The following ANKRD26 variants were observed in gnomAD, a reference collection of about 807,000 sequenced individuals.
ANKRD26 encodes the protein ankyrin repeat domain 26.
ANKRD26 carries 141 observed loss-of-function variants against 208.7 expected under a neutral mutation model. The observed-to-expected ratio is 0.68, with a 90% confidence interval of 0.59 to 0.78. The LOEUF is 0.78. Among genes scored for constraint, ANKRD26 ranks in the 30% least tolerant of loss-of-function variants. ANKRD26 has a pLI of 0.00. For synonymous variants in ANKRD26, 636 were observed against 660.4 expected, an observed-to-expected ratio of 0.96 and a Z score of 0.57; for missense variants, 1,889 against 1,938.7, an observed-to-expected ratio of 0.97 and a Z score of 0.48.
chr10:27,094,608 T>C (rs12263872), intron 1 of ANKRD26, among the ~76,000 whole-genome samples: 12,276 of 152,242 alleles, frequency 0.081, 748 homozygotes, highest in African/African-American at 0.17. Flanking sequence ...AAATAACAGC[T>C]CAATAATTGT....
chr10:27,046,248 A>T, intron 18 of ANKRD26, 105 bp downstream of exon 18: 1 of 1,156,860 alleles, frequency 8.6e-7, no homozygotes, highest in South Asian at 1.3e-5. Flanking sequence ...GCAGCATGGA[A>T]ACAGTCGATA....
chr10:27,093,037 C>T (rs1159543179), intron 3 of ANKRD26, among the ~76,000 whole-genome samples: 4 of 151,632 alleles, frequency 2.6e-5, no homozygotes, highest in Non-Finnish European at 4.4e-5. Flanking sequence ...TGCAGTGAGC[C>T]GAGATCGCGC....
intron 18 of ANKRD26, among the ~76,000 whole-genome samples, chr10:27,045,340 C>T (rs182905660): frequency 3.2e-4 from 48 of 151,622 alleles, no homozygotes; most frequent in Middle Eastern, 3.4e-3. Context: ...ATGAGAATTG[C>T]TTGAACCCAG....
chr10:26,988,879 C>CAAA (rs56162186), downstream of ANKRD26, among the ~76,000 whole-genome samples: 249 of 137,286 alleles, frequency 1.8e-3, 1 homozygote, highest in South Asian at 0.016. Flanking sequence ...GACCTCTTCT[C>CAAA]AAAAAAAAAA....
At chr10:27,080,217 GAAAGAT>G (rs2135598040) in intron 6 of ANKRD26, 1 of 153,180 alleles carries the variant, frequency 6.5e-6, no homozygotes, top group African/African-American at 2.4e-5. Context: ...AAACAAGGTA[GAAAGAT>G]ACACTGTCCT....
At chr10:27,069,194 C>CAAAAAAAA (rs58833937) in intron 9 of ANKRD26, among the ~76,000 whole-genome samples, 1 of 88,124 alleles carries the variant, frequency 1.1e-5, no homozygotes, top group African/African-American at 4.9e-5. Flanking sequence ...GACGTCGTCT[C>CAAAAAAAA]AAAAAAAAAA....
In ANKRD26 at chr10:27,100,371, C is replaced by A. The variant is rs938256301; in HGVS notation, c.-45G>T. 7 of 1,600,690 alleles carry A rather than the reference C, an allele frequency of 4.4e-6. No individual in the cohort carries two copies. The African/African-American group carries it at 8.0e-5, about 18-fold the overall frequency. On this transcript the variant is annotated 5_prime_UTR_variant, in exon 1 of 34. Coordinates refer to ENST00000376087, the MANE Select transcript of ANKRD26 (RefSeq NM_014915.3). ...CAGAGACACCTCATGTCTCTCTCGGCTCTTAACGGCCTCCGGAGCCCAACA... is the reference window on the plus strand; with the variant it reads ...CAGAGACACCTCATGTCTCTCTCGGATCTTAACGGCCTCCGGAGCCCAACA...
intron 29 of ANKRD26, among the ~76,000 whole-genome samples, chr10:27,019,438 C>T (rs2053415180): frequency 6.6e-6 from 1 of 152,042 alleles, no homozygotes; most frequent in Admixed American, 6.6e-5. Context: ...AGGGTTCCTG[C>T]CCCAACCAAA....
the ANKRD26 span, among the ~76,000 whole-genome samples, chr10:26,960,079 T>C: frequency 6.6e-6 from 1 of 151,902 alleles, no homozygotes; most frequent in Non-Finnish European, 1.5e-5. Flanking sequence ...CGAGAATCAC[T>C]TGAGCCCATG....
At chr10:27,061,559 ATTTTTTTT>A (rs11399797) in intron 12 of ANKRD26, among the ~76,000 whole-genome samples, 2 of 134,232 alleles carry the variant, frequency 1.5e-5, no homozygotes, top group African/African-American at 5.5e-5. Context: ...TGCAACATCT[ATTTTTTTT>A]TTTTTTTTTT....
intron 16 of ANKRD26, among the ~76,000 whole-genome samples, chr10:27,050,291 A>G (rs184658785): frequency 1.4e-5 from 2 of 147,760 alleles, no homozygotes; most frequent in East Asian, 2.1e-4. Flanking sequence ...ATTATTGTTT[A>G]TCTTTACAAC....
rs1338659241 is a variant in ANKRD26 at position 27,033,440 on chromosome 10, AAATTAT to A, written c.3655-69_3655-64del. On this transcript the variant is annotated intron_variant, in intron 24 of 33. Coordinates refer to ENST00000376087, the MANE Select transcript of ANKRD26 (RefSeq NM_014915.3). The stretch of plus-strand genomic sequence containing the variant: ...TTATTATTAAGTTATGTTAAAAAAT[AAATTAT>A]GTTAATAATATTTAACTATGACATA... The A allele has an allele frequency of 4.1e-6, 6 of 1,468,630 alleles. No homozygotes were observed. The African/African-American group carries it at 5.7e-5, about 14-fold the overall frequency. 91.0% of individuals were successfully genotyped at this position (1,468,630 alleles called of 1,614,324 possible).
intron 1 of ANKRD26, among the ~76,000 whole-genome samples, chr10:27,095,593 C>T (rs1365424918): frequency 6.6e-6 from 1 of 152,150 alleles, no homozygotes; most frequent in African/African-American, 2.4e-5. Flanking sequence ...CACTTGAACC[C>T]TGGTGGCAGA....
At chr10:27,057,809 C>T (rs1466659905) in intron 15 of ANKRD26, among the ~76,000 whole-genome samples, 1 of 151,930 alleles carries the variant, frequency 6.6e-6, no homozygotes, top group African/African-American at 2.4e-5. Context: ...TGTTGGCGCG[C>T]GCCTGTAGCC....
In ANKRD26 at chr10:27,017,747, G is replaced by C. The variant is rs1303345896; in HGVS notation, c.4261C>G (p.Leu1421Val). The change falls in exon 30 of 34, where the codon CTA (leucine) becomes GTA (valine). Residue 1421 changes from leucine (L) to valine (V), a missense_variant. Leu to Val is a conservative substitution (Grantham distance 32). Transcript: ENST00000376087. ...AELETAGSKC[L>V]HLDTKNQILQ... ...ATTTGGTTCTTTGTATCCAGATGTA[G>C]ACATTTTGAACCTGCAGTCTCCAGT... is the stretch of plus-strand genomic sequence containing the variant. 1 of 1,613,012 alleles carries C rather than the reference G, an allele frequency of 6.2e-7. No individual in the cohort carries two copies. The highest frequency in any genetic ancestry group is 8.5e-7 in the Non-Finnish European group (1 of 1,179,794).
At chr10:27,073,143 G>A (rs1046622747) in intron 9 of ANKRD26, among the ~76,000 whole-genome samples, 2 of 152,202 alleles carry the variant, frequency 1.3e-5, no homozygotes, top group Non-Finnish European at 2.9e-5. Flanking sequence ...CAGGCCTTCC[G>A]CTTGTGGGAA....
At chr10:27,041,732 C>A (rs67689270) in intron 20 of ANKRD26, among the ~76,000 whole-genome samples, 2 of 151,376 alleles carry the variant, frequency 1.3e-5, no homozygotes, top group Non-Finnish European at 2.9e-5. Flanking sequence ...CAATGAACTA[C>A]GGAAAAAAAT....
chr10:27,093,699 T>C lies in ANKRD26; in HGVS notation c.343A>G (p.Thr115Ala), dbSNP rs376403038. 1 of 1,614,056 alleles carries C rather than the reference T, an allele frequency of 6.2e-7. No homozygotes were observed. The highest frequency in any genetic ancestry group is 1.1e-5 in the South Asian group (1 of 91,088). The change falls in exon 2 of 34, where the codon ACA becomes GCA. Residue 115 changes from threonine to alanine, a missense_variant. Coordinates refer to ENST00000376087, the MANE Select transcript of ANKRD26 (RefSeq NM_014915.3). ...CTACTATATACCTTCATCAGAGCTG[T>C]CCTGTTTTCGTTGTCACAGACATTG... ...QLNVCDNENR[T>A]ALMKAVQCQE...
chr10:26,997,780 G>A (rs1398761708), intron 4 of ANKRD26, among the ~76,000 whole-genome samples: 3 of 152,116 alleles, frequency 2.0e-5, no homozygotes, highest in South Asian at 2.1e-4. Context: ...ATGCTAAACC[G>A]CCACAGCTGT....
Sources: allele counts gnomAD v4.1 joint callset (sites outside exome capture counted in the v4.1 genomes callset), GRCh38; gene constraint gnomAD v4.1.1; transcripts MANE v1.5; gene names NCBI Gene and HGNC (gene_info 2026-07-23, HGNC 2026-07-21).